The following PRIMPOL variants were observed in gnomAD, a reference collection of about 807,000 sequenced individuals.
The protein encoded by PRIMPOL is DNA-directed primase/polymerase protein.
PRIMPOL carries 54 observed loss-of-function variants against 63.6 expected under a neutral mutation model. That is an observed-to-expected ratio of 0.85 (90% CI 0.68 to 1.07). The LOEUF is 1.07. PRIMPOL is among the 50% of genes least tolerant of loss of function. The probability of loss-of-function intolerance (pLI) is 0.00; values close to 1 mark genes in which losing one functional copy is unlikely to be tolerated. For synonymous variants in PRIMPOL, 197 were observed against 220.2 expected, an observed-to-expected ratio of 0.89 and a Z score of 0.93; for missense variants, 610 against 648.3, an observed-to-expected ratio of 0.94 and a Z score of 0.64.
At chr4:184,692,948 T>C (rs1242749886) in intron 13 of PRIMPOL, among the ~76,000 whole-genome samples, 1 of 152,248 alleles carries the variant, frequency 6.6e-6, no homozygotes, top group Non-Finnish European at 1.5e-5. Context: ...GTAACTTTTT[T>C]GCAGTAATTA....
rs201436608 is a variant in PRIMPOL, at chr4:184,657,112, G to T, written c.-29G>T. The T allele has an allele frequency of 9.4e-5, 140 of 1,486,258 alleles. 1 individual carries two copies. The East Asian group carries it at 3.3e-3, about 35-fold the overall frequency. The allele number at this position is 1,486,258 out of a possible 1,614,324, so 92.1% of individuals were successfully genotyped here. A position where few individuals can be genotyped will look rare whatever the true frequency, so the allele number is the denominator to read the frequency against. On this transcript the variant is annotated 5_prime_UTR_variant, in exon 3 of 14. It adds an upstream start codon to the 5' untranslated region. Transcript: ENST00000314970. Reference sequence around the variant, plus strand: ...ATTGATAGAAATATTACGTGGGATAGGATTTATTCTCTCCACACTTCTGAA... The same window carrying T: ...ATTGATAGAAATATTACGTGGGATATGATTTATTCTCTCCACACTTCTGAA...
rs1452943396 is a variant in PRIMPOL at position 184,678,402 on chromosome 4, G to A, written c.1007+8G>A. 6.3e-7 allele frequency: 1 copy of A among 1,587,330 alleles called. No individual in the cohort carries two copies. Among genetic ancestry groups the A allele is most frequent in the Non-Finnish European group, 8.6e-7 (1 of 1,168,348 alleles). On this transcript the variant is annotated splice_region_variant and intron_variant, in intron 8 of 13. Coordinates refer to ENST00000314970, the MANE Select transcript of PRIMPOL (RefSeq NM_152683.4). ...TTTGGTCAGCAATGTCAGGTATGTA[G>A]TAGCAGCATCAAACCATTTTGTATT...
chr4:184,688,541 G>C (rs1757592041), intron 11 of PRIMPOL, among the ~76,000 whole-genome samples: 1 of 152,164 alleles, frequency 6.6e-6, no homozygotes, highest in African/African-American at 2.4e-5. Flanking sequence ...AGTGAGGCCC[G>C]GGGCATCTGG....
At chr4:184,655,467 G>A (rs921329254) in intron 2 of PRIMPOL, among the ~76,000 whole-genome samples, 3 of 149,964 alleles carry the variant, frequency 2.0e-5, no homozygotes, top group African/African-American at 7.4e-5. Context: ...GATTATAGGT[G>A]CCCACCACCA....
chr4:184,676,187 G>T lies in PRIMPOL; in HGVS notation c.845-2045G>T, dbSNP rs74520639. Among the ~76,000 whole-genome samples the T allele has an allele frequency of 2.8e-4, 43 of 151,724 alleles. No homozygotes were observed. In the East Asian group the frequency reaches 7.8e-3, roughly 27 times the overall value. ...TGAAGTGCAGTGGTGCAATCCTGCC[G>T]CCTTAAACTCCTGGGCTCAAGCAAT... On this transcript the variant is annotated intron_variant, in intron 7 of 13. Transcript: ENST00000314970.
intron 11 of PRIMPOL, 75 bp from the exon 12 acceptor site, chr4:184,691,424 G>T: frequency 3.6e-6 from 3 of 841,214 alleles, no homozygotes; most frequent in South Asian, 3.1e-5. Context: ...ATATTTCTTG[G>T]AACAGCATGC....
intron 7 of PRIMPOL, among the ~76,000 whole-genome samples, chr4:184,673,286 C>T (rs1752361500): frequency 6.6e-6 from 1 of 151,728 alleles, no homozygotes; most frequent in African/African-American, 2.4e-5. Context: ...CCCGCCACCG[C>T]TCCCGGCTAA....
At chr4:184,680,600 G>C (rs1264362595) in intron 8 of PRIMPOL, among the ~76,000 whole-genome samples, 1 of 152,156 alleles carries the variant, frequency 6.6e-6, no homozygotes, top group African/African-American at 2.4e-5. Flanking sequence ...CCAGGAGGGT[G>C]GAAGATGGAT....
intron 7 of PRIMPOL, among the ~76,000 whole-genome samples, chr4:184,673,561 A>C (rs1752491527): frequency 2.6e-5 from 4 of 151,056 alleles, no homozygotes; most frequent in Admixed American, 2.6e-4. Flanking sequence ...AGTAGCTGGG[A>C]TTACAGGCAT....
At chr4:184,673,253 C>T (rs1315462460) in intron 7 of PRIMPOL, among the ~76,000 whole-genome samples, 13 of 151,582 alleles carry the variant, frequency 8.6e-5, no homozygotes, top group Admixed American at 3.9e-4. Flanking sequence ...CCTCAGCCTC[C>T]GGAGTAGCTG....
chr4:184,667,971 G>A (rs73011134), intron 6 of PRIMPOL, among the ~76,000 whole-genome samples: 6,092 of 152,112 alleles, frequency 0.04, 406 homozygotes, highest in African/African-American at 0.14. Flanking sequence ...GATTTATCAT[G>A]GCTTGAAAAT....
chr4:184,690,495 T>C (rs932261748), intron 11 of PRIMPOL, among the ~76,000 whole-genome samples: 1 of 152,176 alleles, frequency 6.6e-6, no homozygotes. Flanking sequence ...AGTCTCACAC[T>C]GTCACCCGGG....
At position 184,666,020 on chromosome 4, in the gene PRIMPOL, T is replaced by C. The variant is rs752591152; in HGVS notation, c.512T>C (p.Ile171Thr). Residue 171 changes from isoleucine (I) to threonine (T), a missense_variant, in exon 6 of 14, where the codon ATA becomes ACA. By Grantham distance (89) the Ile-to-Thr change is moderately conservative (BLOSUM62 -1). This residue lies in a region of PRIMPOL where 444 missense variants were observed against 456.4 expected (regional missense o/e 0.97). Coordinates refer to ENST00000314970, the MANE Select transcript of PRIMPOL (RefSeq NM_152683.4). Reference sequence around the variant, plus strand: ...GATGAAAAATTCAGCCGGCATTTAATATTTCAGCTCCATGATGTGGCATTT... The same window carrying C: ...GATGAAAAATTCAGCCGGCATTTAACATTTCAGCTCCATGATGTGGCATTT... ...STDEKFSRHL[I>T]FQLHDVAFKD... 8.1e-6 allele frequency: 13 copies of C among 1,610,594 alleles called. No individual in the cohort carries two copies. The African/African-American group carries it at 1.5e-4, about 18-fold the overall frequency.
chr4:184,694,559 G>A lies in PRIMPOL; in HGVS notation c.1463G>A (p.Arg488Lys). The A allele has an allele frequency of 6.2e-7, 1 of 1,613,964 alleles. No individual in the cohort carries two copies. Among genetic ancestry groups the A allele is most frequent in the Non-Finnish European group, 8.5e-7 (1 of 1,179,896 alleles). ...ACAACAGATGAAGCAGATGAAACTA[G>A]GAGCAATGAAACCCAGAATCCTCAT... Reference protein sequence around the residue: ...EFTTDEADETRSNETQNPHKP... With the variant: ...EFTTDEADETKSNETQNPHKP... The change falls in exon 14 of 14, where the codon AGG (arginine) becomes AAG (lysine). Residue 488 changes from arginine (R) to lysine (K), a missense_variant. Physicochemically the swap from Arg to Lys is conservative, Grantham distance 26. Transcript: ENST00000314970.
chr4:184,662,776 C>G (rs946075774), intron 5 of PRIMPOL, among the ~76,000 whole-genome samples: 1 of 151,906 alleles, frequency 6.6e-6, no homozygotes, highest in Non-Finnish European at 1.5e-5. Context: ...CTAGTATTCT[C>G]TGTTGGACCT....
chr4:184,689,130 G>GATGGCC (rs368046363), intron 11 of PRIMPOL, among the ~76,000 whole-genome samples: 4 of 152,050 alleles, frequency 2.6e-5, no homozygotes, highest in African/African-American at 9.7e-5. Flanking sequence ...AGGACAGAGT[G>GATGGCC]CAGGAGCTCA....
intron 2 of PRIMPOL, among the ~76,000 whole-genome samples, chr4:184,656,004 C>G (rs569929499): frequency 2.0e-5 from 3 of 152,266 alleles, no homozygotes; most frequent in Admixed American, 2.0e-4. Context: ...TGATAGGTCT[C>G]TCTGGGACTC....
chr4:184,657,349 C>A, intron 3 of PRIMPOL, 29 bp downstream of exon 3: 1 of 1,493,116 alleles, frequency 6.7e-7, no homozygotes, highest in Admixed American at 1.9e-5. Flanking sequence ...TCTTCTTCTT[C>A]CTCCTCTTCC....
Position 184,659,339 on chromosome 4 carries a change from G to A in PRIMPOL, c.181-1G>A. ...CTGAATTCTTTTTTGATTTTATGCAGGACGTTCATGTATTTGCTTTGGAAT... is the reference window on the plus strand; with the variant it reads ...CTGAATTCTTTTTTGATTTTATGCAAGACGTTCATGTATTTGCTTTGGAAT... On this transcript the variant is annotated splice_acceptor_variant, in intron 3 of 13. Coordinates refer to ENST00000314970, the MANE Select transcript of PRIMPOL (RefSeq NM_152683.4). LOFTEE classifies it high-confidence loss of function. 6.2e-7 allele frequency: 1 copy of A among 1,609,424 alleles called. No homozygotes were observed. Among genetic ancestry groups the A allele is most frequent in the Admixed American group, 1.7e-5 (1 of 59,912 alleles).
Sources: gnomAD v4.1 joint callset for allele counts (sites outside exome capture counted in the v4.1 genomes callset) on GRCh38, gnomAD v4.1.1 for gene constraint, gnomAD v4.1.1 regional missense constraint, MANE v1.5 for transcripts, NCBI Gene and HGNC (gene_info 2026-07-23, HGNC 2026-07-21) for gene names.